OPCML: variants seen among roughly 807,000 people sequenced by gnomAD.
OPCML encodes opioid binding protein/cell adhesion molecule like, also known as opioid-binding protein/cell adhesion molecule.
OPCML carries 13 observed loss-of-function variants against 37.8 expected under a neutral mutation model. The ratio of observed to expected loss-of-function variants is 0.34; its 90% CI spans 0.22 to 0.55. The LOEUF is 0.55. Among genes scored for constraint, OPCML ranks in the 20% least tolerant of loss-of-function variants. The probability of loss-of-function intolerance (pLI) is 0.91; values close to 1 mark genes in which losing one functional copy is unlikely to be tolerated. For missense variants in OPCML, 341 were observed against 435.6 expected (o/e 0.78, Z 1.93); for synonymous variants, 176 against 168.8 (o/e 1.04, Z -0.33).
rs143373270 is a variant in OPCML, at chr11:132,567,246, A to G, written c.380-38060T>C. Among the ~76,000 whole-genome samples the G allele has an allele frequency of 5.9e-3, 898 of 152,280 alleles. 2 individuals are homozygous for G. Among genetic ancestry groups the G allele is most frequent in the Middle Eastern group, 0.01 (3 of 294 alleles). On this transcript the variant is annotated intron_variant, in intron 3 of 7. Coordinates refer to ENST00000524381, the MANE Select transcript of OPCML (RefSeq NM_001012393.5). ...AGTTCTCATGGTGAAAAATTAACCAATGCCAACAGCAACTGAGTTGCCACG... is the reference window on the plus strand; with the variant it reads ...AGTTCTCATGGTGAAAAATTAACCAGTGCCAACAGCAACTGAGTTGCCACG...
intron 2 of OPCML, among the ~76,000 whole-genome samples, chr11:132,894,386 A>G (rs1014559316): frequency 5.3e-5 from 8 of 152,346 alleles, no homozygotes; most frequent in African/African-American, 1.9e-4. Context: ...AAGATCTCCA[A>G]GACTCTGTCT....
chr11:133,178,380 A>G (rs1937652316), intron 1 of OPCML, among the ~76,000 whole-genome samples: 1 of 152,144 alleles, frequency 6.6e-6, no homozygotes, highest in South Asian at 2.1e-4. Context: ...AGTCTTCTGC[A>G]TGGCCTGGCC....
intron 3 of OPCML, among the ~76,000 whole-genome samples, chr11:132,643,831 A>T (rs184696046): frequency 8.5e-5 from 13 of 152,254 alleles, no homozygotes; most frequent in African/African-American, 3.1e-4. Context: ...CCATGTGCCT[A>T]GAAGTGTGTG....
intron 2 of OPCML, among the ~76,000 whole-genome samples, chr11:132,687,066 A>G (rs1298666267): frequency 2.0e-5 from 3 of 152,064 alleles, no homozygotes; most frequent in African/African-American, 7.2e-5. Context: ...GACTATAACT[A>G]GTTCTATTTT....
At chr11:132,607,461 A>T (rs372024069) in intron 3 of OPCML, among the ~76,000 whole-genome samples, 11 of 152,232 alleles carry the variant, frequency 7.2e-5, no homozygotes, top group African/African-American at 2.2e-4. Flanking sequence ...ACTCCTCAGT[A>T]ACTACTGACT....
chr11:132,945,071 A>G (rs1945716298), intron 1 of OPCML, among the ~76,000 whole-genome samples: 1 of 152,258 alleles, frequency 6.6e-6, no homozygotes, highest in Admixed American at 6.5e-5. Flanking sequence ...GTTAGCCCAC[A>G]TATATGTGTA....
chr11:133,135,114 A>G (rs1006989021), intron 1 of OPCML, among the ~76,000 whole-genome samples: 11 of 152,158 alleles, frequency 7.2e-5, no homozygotes, highest in Admixed American at 3.3e-4. Context: ...CCTGGTTAGC[A>G]TATCTTGCTT....
At chr11:133,070,230 G>A (rs115246534) in intron 1 of OPCML, among the ~76,000 whole-genome samples, 24 of 152,280 alleles carry the variant, frequency 1.6e-4, no homozygotes, top group African/African-American at 5.5e-4. Flanking sequence ...GCAAGGCAGA[G>A]TTTATTAGCA....
At chr11:132,644,632 C>G (rs1191185239) in intron 3 of OPCML, among the ~76,000 whole-genome samples, 1 of 152,158 alleles carries the variant, frequency 6.6e-6, no homozygotes, top group Non-Finnish European at 1.5e-5. Flanking sequence ...AATCCAAGAT[C>G]CCTTTCCCAG....
At chr11:132,564,048 G>T (rs2096416669) in intron 3 of OPCML, among the ~76,000 whole-genome samples, 1 of 152,186 alleles carries the variant, frequency 6.6e-6, no homozygotes, top group African/African-American at 2.4e-5. Context: ...TTATGGGTGA[G>T]AAAAGTGAGG....
intron 4 of OPCML, among the ~76,000 whole-genome samples, chr11:132,471,209 G>C (rs2096137047): frequency 6.6e-6 from 1 of 152,202 alleles, no homozygotes; most frequent in Non-Finnish European, 1.5e-5. Context: ...AAAAAACACA[G>C]CTGGGAGGAG....
chr11:133,299,204 GT>G (rs922474030), intron 1 of OPCML: 1 of 152,178 alleles, frequency 6.6e-6, no homozygotes, highest in Non-Finnish European at 1.5e-5. Context: ...GTTGTTCATT[GT>G]AACACTCCAT....
At chr11:133,099,068 T>C (rs1425393232) in intron 1 of OPCML, among the ~76,000 whole-genome samples, 1 of 152,000 alleles carries the variant, frequency 6.6e-6, no homozygotes, top group Non-Finnish European at 1.5e-5. Flanking sequence ...CACATTACCA[T>C]CAATATTAGC....
At chr11:132,530,608 G>A (rs78286616) in intron 3 of OPCML, among the ~76,000 whole-genome samples, 11 of 152,056 alleles carry the variant, frequency 7.2e-5, no homozygotes, top group East Asian at 3.9e-4. Flanking sequence ...CTCTGGAGTC[G>A]AACGCCCAAA....
chr11:132,823,034 G>T (rs958931464), intron 2 of OPCML, among the ~76,000 whole-genome samples: 10 of 152,162 alleles, frequency 6.6e-5, no homozygotes, highest in Non-Finnish European at 7.4e-5. Context: ...TGGTAAATCA[G>T]ACTTTAATCT....
intron 3 of OPCML, among the ~76,000 whole-genome samples, chr11:132,542,285 T>C (rs1208700578): frequency 2.1e-4 from 32 of 152,174 alleles, no homozygotes; most frequent in Admixed American, 2.1e-3. Context: ...TTCATGCCCC[T>C]CCTTGTCTCC....
chr11:132,497,526 T>C (rs1453269800), intron 4 of OPCML, among the ~76,000 whole-genome samples: 1 of 151,614 alleles, frequency 6.6e-6, no homozygotes, highest in African/African-American at 2.4e-5. Flanking sequence ...GATCAGAAAA[T>C]GTCTCAGTGA....
At chr11:133,530,339 G>A (rs969735258) in intron 1 of OPCML, among the ~76,000 whole-genome samples, 33 of 152,340 alleles carry the variant, frequency 2.2e-4, no homozygotes, top group Admixed American at 1.2e-3. Flanking sequence ...CTCACCCCCC[G>A]CCTTGCTTTC....
rs542670278 is a variant in OPCML at position 133,083,121 on chromosome 11, TCACACACACCA to T, written c.62-140122_62-140112del. 2.9e-4 allele frequency among the ~76,000 whole-genome samples: 44 copies of T among 151,902 alleles called. No individual in the cohort carries two copies. In the East Asian group the frequency reaches 8.4e-3, roughly 29 times the overall value. On this transcript the variant is annotated intron_variant, in intron 1 of 7. Transcript: ENST00000524381. ...CACCCGTGTGCGCACCACACTCACA[TCACACACACCA>T]CGCACACACACGCACACACACACAC... is the stretch of plus-strand genomic sequence containing the variant.
Sources: gnomAD v4.1 joint callset for allele counts (sites outside exome capture counted in the v4.1 genomes callset) on GRCh38, gnomAD v4.1.1 for gene constraint, MANE v1.5 for transcripts, NCBI Gene and HGNC (gene_info 2026-07-23, HGNC 2026-07-21) for gene names.